NIBAN1: variants seen among roughly 807,000 people sequenced by gnomAD.
The protein encoded by NIBAN1 is niban apoptosis regulator 1, also known as protein Niban 1.
NIBAN1 carries 81 observed loss-of-function variants against 75.1 expected under a neutral mutation model. The ratio of observed to expected loss-of-function variants is 1.08; its 90% CI spans 0.90 to 1.30. The LOEUF (loss-of-function observed/expected upper bound fraction) is 1.30. Among genes scored for constraint, NIBAN1 ranks in the 50% most tolerant of loss-of-function variants. NIBAN1 has a pLI of 0.00. For synonymous variants in NIBAN1, 436 were observed against 424.8 expected (o/e 1.03, Z -0.32); for missense variants, 1,133 against 1,128.1 (o/e 1.00, Z -0.06).
chr1:184,831,717 G>A (rs868032488), intron 6 of NIBAN1, 130 bp downstream of exon 6: 1 of 665,938 alleles, frequency 1.5e-6, no homozygotes, highest in Non-Finnish European at 2.6e-6. Flanking sequence ...ACATGAGAGA[G>A]ATGGTCTTTG....
chr1:184,970,582 CATTTCTT>C (rs547110270), intron 1 of NIBAN1, among the ~76,000 whole-genome samples: 148 of 152,320 alleles, frequency 9.7e-4, no homozygotes, highest in African/African-American at 3.5e-3. Flanking sequence ...AGCTGAAACT[CATTTCTT>C]ATTTTATAAG....
chr1:184,866,537 C>T (rs1386562747), intron 5 of NIBAN1, among the ~76,000 whole-genome samples: 1 of 152,086 alleles, frequency 6.6e-6, no homozygotes, highest in Non-Finnish European at 1.5e-5. Flanking sequence ...CTGTCAGCTC[C>T]CTATAATAAT....
At chr1:184,913,528 T>C (rs535702988) in intron 1 of NIBAN1, among the ~76,000 whole-genome samples, 2 of 152,322 alleles carry the variant, frequency 1.3e-5, no homozygotes, top group East Asian at 3.9e-4. Context: ...GGAATGTTTA[T>C]TGTATAGTCT....
chr1:184,813,817 C>T (rs1654450727), intron 9 of NIBAN1, among the ~76,000 whole-genome samples: 1 of 152,198 alleles, frequency 6.6e-6, no homozygotes, highest in Non-Finnish European at 1.5e-5. Context: ...GCCTGGGACA[C>T]ATGGAGTTCG....
At chr1:184,970,783 T>A (rs1260860707) in intron 1 of NIBAN1, among the ~76,000 whole-genome samples, 2 of 152,208 alleles carry the variant, frequency 1.3e-5, no homozygotes, top group East Asian at 3.8e-4. Context: ...GCACTGACTG[T>A]CCAGTACTTT....
intron 5 of NIBAN1, among the ~76,000 whole-genome samples, chr1:184,877,969 G>T (rs1246889773): frequency 6.6e-6 from 1 of 150,462 alleles, no homozygotes; most frequent in Non-Finnish European, 1.5e-5. Context: ...TTTAATGATT[G>T]TTCCAATTTG....
intron 9 of NIBAN1, among the ~76,000 whole-genome samples, chr1:184,810,657 C>A (rs1055403812): frequency 1.3e-5 from 2 of 152,206 alleles, no homozygotes; most frequent in African/African-American, 2.4e-5. Flanking sequence ...TGAGTTGTAA[C>A]CAGTCTCACT....
At chr1:184,897,744 T>A (rs1221069324) in intron 2 of NIBAN1, among the ~76,000 whole-genome samples, 4 of 152,186 alleles carry the variant, frequency 2.6e-5, no homozygotes, top group Admixed American at 2.6e-4. Flanking sequence ...GGCAACTCCA[T>A]CCACTTATTT....
At chr1:184,821,034 T>C (rs1216132814) in intron 8 of NIBAN1, among the ~76,000 whole-genome samples, 1 of 152,182 alleles carries the variant, frequency 6.6e-6, no homozygotes. Flanking sequence ...TATGCTCACA[T>C]TGGGAACCAC....
rs1484968765 is a variant in NIBAN1, at chr1:184,803,689, AT to A, written c.1449del (p.Gln483HisfsTer18). 4 of 1,613,014 alleles carry A rather than the reference AT, an allele frequency of 2.5e-6. No homozygotes were observed. The highest frequency in any genetic ancestry group is 2.5e-6 in the Non-Finnish European group (3 of 1,179,180). On this transcript the variant is annotated frameshift_variant and splice_region_variant, in exon 12 of 14. Coordinates refer to ENST00000367511, the MANE Select transcript of NIBAN1 (RefSeq NM_052966.4). LOFTEE classifies it high-confidence loss of function. ...IEKVKLRVLKQYDYDSSTIRK... is the reference protein window; with the variant it reads ...IEKVKLRVLKXYDYDSSTIRK... ...CGGATGGTGCTGCTGTCATAATCAT[AT>A]TGCTGTCAATAAAGAAACATATGTT...
intron 5 of NIBAN1, among the ~76,000 whole-genome samples, chr1:184,843,347 C>G (rs1198310747): frequency 2.6e-5 from 4 of 152,042 alleles, no homozygotes; most frequent in Non-Finnish European, 5.9e-5. Context: ...TGATCTGTTT[C>G]TTTACCATAA....
Position 184,795,911 on chromosome 1 carries a change from A to G in NIBAN1, c.1853T>C (p.Val618Ala). The G allele has an allele frequency of 6.2e-7, 1 of 1,614,072 alleles. No homozygotes were observed. The highest frequency in any genetic ancestry group is 8.5e-7 in the Non-Finnish European group (1 of 1,180,002). The change falls in exon 14 of 14, where the codon GTA (valine) becomes GCA (alanine). Residue 618 changes from valine (V) to alanine (A), a missense_variant. Coordinates refer to ENST00000367511, the MANE Select transcript of NIBAN1 (RefSeq NM_052966.4). ...CTTCTCTTCCTCTGACTCCTGGAATACTTCGTTACTGAGGGTCTCACTACC... is the reference window on the plus strand; with the variant it reads ...CTTCTCTTCCTCTGACTCCTGGAATGCTTCGTTACTGAGGGTCTCACTACC... Reference protein sequence around the residue: ...VLGSETLSNEVFQESEEEKQP... With the variant: ...VLGSETLSNEAFQESEEEKQP...
chr1:184,895,595 G>A (rs796292998), intron 2 of NIBAN1, among the ~76,000 whole-genome samples: 4 of 152,100 alleles, frequency 2.6e-5, no homozygotes, highest in African/African-American at 2.4e-5. Context: ...CAAGGGGTAC[G>A]TGTGTTTCTT....
intron 1 of NIBAN1, among the ~76,000 whole-genome samples, chr1:184,905,226 A>G (rs1657061519): frequency 1.3e-5 from 2 of 152,144 alleles, no homozygotes; most frequent in Non-Finnish European, 2.9e-5. Context: ...ACTCAAAGGT[A>G]GCATGAGTTA....
intron 1 of NIBAN1, among the ~76,000 whole-genome samples, chr1:184,907,945 C>T (rs1657145569): frequency 6.6e-6 from 1 of 152,178 alleles, no homozygotes; most frequent in Admixed American, 6.5e-5. Context: ...TTTGGATATT[C>T]ATCCACAAAG....
At chr1:184,853,471 C>G (rs1310726847) in intron 5 of NIBAN1, among the ~76,000 whole-genome samples, 3 of 152,210 alleles carry the variant, frequency 2.0e-5, no homozygotes. Context: ...GCTTAATTTG[C>G]ATTTACATTT....
chr1:184,971,971 A>C (rs754122826), intron 1 of NIBAN1, among the ~76,000 whole-genome samples: 4 of 152,242 alleles, frequency 2.6e-5, no homozygotes, highest in Admixed American at 2.6e-4. Context: ...CAAAACATCC[A>C]TATGACACAG....
At chr1:184,865,932 T>C (rs975974966) in intron 5 of NIBAN1, among the ~76,000 whole-genome samples, 3 of 152,190 alleles carry the variant, frequency 2.0e-5, no homozygotes, top group Admixed American at 1.3e-4. Flanking sequence ...AGAAATTGCC[T>C]TTGCTGTTAA....
chr1:184,862,689 T>C (rs1655847466), intron 5 of NIBAN1, among the ~76,000 whole-genome samples: 1 of 152,164 alleles, frequency 6.6e-6, no homozygotes, highest in African/African-American at 2.4e-5. Context: ...CCCCTTTTTG[T>C]TTTTAAAGAA....
Sources: gnomAD v4.1 joint callset for allele counts (sites outside exome capture counted in the v4.1 genomes callset) on GRCh38, gnomAD v4.1.1 for gene constraint, MANE v1.5 for transcripts, NCBI Gene and HGNC (gene_info 2026-07-23, HGNC 2026-07-21) for gene names.